The following CCNB3 variants were observed in gnomAD, a reference collection of about 807,000 sequenced individuals.
The protein encoded by CCNB3 is cyclin B3.
In CCNB3, 12 loss-of-function variants were observed where a neutral mutation model predicts 68.0. The ratio of observed to expected loss-of-function variants is 0.18; its 90% CI spans 0.11 to 0.29. The LOEUF is 0.29. CCNB3 is among the 10% of genes least tolerant of loss of function. CCNB3 has a pLI of 1.00. For synonymous variants in CCNB3, 354 were observed against 388.9 expected, an observed-to-expected ratio of 0.91 and a Z score of 1.06; for missense variants, 904 against 993.1, an observed-to-expected ratio of 0.91 and a Z score of 1.21.
At chrX:50,328,629 C>T (rs972188624) in intron 8 of CCNB3, among the ~76,000 whole-genome samples, 1 of 111,479 alleles carries the variant, frequency 9.0e-6, no homozygotes, top group Non-Finnish European at 1.9e-5. Context: ...TATCATTTCA[C>T]CCCTGGCCCC....
intron 5 of CCNB3, among the ~76,000 whole-genome samples, chrX:50,304,898 G>A (rs1253983726): frequency 8.9e-6 from 1 of 112,092 alleles, no homozygotes; most frequent in East Asian, 2.8e-4. Flanking sequence ...AAAGACACAT[G>A]AAAAAATGCT....
chrX:50,300,540 G>C (rs1936605311), intron 5 of CCNB3, among the ~76,000 whole-genome samples: 1 of 111,639 alleles, frequency 9.0e-6, no homozygotes, highest in African/African-American at 3.2e-5. Context: ...TGGGTAACCC[G>C]ACCTTTCTCT....
rs1311167642 is a variant in CCNB3 at position 50,351,831 on chromosome X, T to G, written c.*128T>G. 4 of 435,796 alleles carry G rather than the reference T, an allele frequency of 9.2e-6. No individual in the cohort carries two copies. The highest frequency in any genetic ancestry group is 1.5e-5 in the Non-Finnish European group (4 of 267,953). The allele number at this position is 435,796 out of a possible 1,213,427, so 35.9% of individuals were successfully genotyped here. A position where few individuals can be genotyped will look rare whatever the true frequency, so the allele number is the denominator to read the frequency against. Reference sequence around the variant, plus strand: ...TCCCAAACTGATAATGTTATAAATATTTATGTTGCTTGTTTTTATGAAAGA... The same window carrying G: ...TCCCAAACTGATAATGTTATAAATAGTTATGTTGCTTGTTTTTATGAAAGA... On this transcript the variant is annotated 3_prime_UTR_variant, in exon 13 of 13. Coordinates refer to ENST00000376042, the MANE Select transcript of CCNB3 (RefSeq NM_033031.3).
At chrX:50,311,744 C>T (rs1921473194) in intron 6 of CCNB3, among the ~76,000 whole-genome samples, 1 of 110,404 alleles carries the variant, frequency 9.1e-6, no homozygotes, top group Admixed American at 9.8e-5. Flanking sequence ...ATCATCTCTT[C>T]TCACCTTTTG....
Position 50,310,769 on chromosome X carries a change from G to A in CCNB3, c.2600G>A (p.Ser867Asn). ...KETLALQEKP[S>N]IEQEALFKRH... ...ACTTTGGCCTTGCAGGAGAAGCCCA[G>A]CATTGAGCAGGAGGCCCTCTTTAAG... is the stretch of plus-strand genomic sequence containing the variant. Residue 867 changes from serine to asparagine, a missense_variant, in exon 6 of 13, where the codon AGC becomes AAC. By Grantham distance (46) the Ser-to-Asn change is conservative (BLOSUM62 1). This residue lies in a region of CCNB3 where 619 missense variants were observed against 609.8 expected (regional missense o/e 1.02). Transcript: ENST00000376042. 2 of 1,211,266 alleles carry A rather than the reference G, an allele frequency of 1.7e-6. No individual in the cohort carries two copies. The highest frequency in any genetic ancestry group is 2.2e-6 in the Non-Finnish European group (2 of 895,341).
chrX:50,336,998 GGA>G (rs1557218954), intron 8 of CCNB3, among the ~76,000 whole-genome samples: 1 of 111,435 alleles, frequency 9.0e-6, no homozygotes, highest in African/African-American at 3.3e-5. Flanking sequence ...GGTGTAAGTT[GGA>G]GTATTATTTT....
chrX:50,351,622 C>T lies in CCNB3; in HGVS notation c.4107C>T (p.Val1369=). 4 of 1,210,831 alleles carry T rather than the reference C, an allele frequency of 3.3e-6. No homozygotes were observed. Among genetic ancestry groups the T allele is most frequent in the Middle Eastern group, 2.3e-4 (1 of 4,335 alleles). ...CCTTTTGCAGGGTCTTCTTTGAAGT[C>T]GCCAAAATCCCTGCCTTGGATATGT... The part of the protein sequence containing the change: ...YKYSHPVFFE[V]AKIPALDMLK... The change falls in exon 13 of 13, where the codon GTC becomes GTT. Residue 1369 remains valine (V), a synonymous_variant. Transcript: ENST00000376042.
intron 11 of CCNB3, among the ~76,000 whole-genome samples, chrX:50,350,518 C>T (rs140009992): frequency 0.037 from 4,093 of 111,183 alleles, 83 homozygotes; most frequent in Non-Finnish European, 0.057. Flanking sequence ...GCTGTTAGAG[C>T]CAGAGAGGAG....
Position 50,311,467 on chromosome X carries a change from T to C in CCNB3, c.3298T>C (p.Ser1100Pro), listed in dbSNP as rs782051831. The C allele has an allele frequency of 3.3e-6, 4 of 1,208,069 alleles. No homozygotes were observed. Among genetic ancestry groups the C allele is most frequent in the Non-Finnish European group, 4.5e-6 (4 of 893,344 alleles). Residue 1100 changes from serine to proline, a missense_variant, in exon 6 of 13, where the codon TCA (serine) becomes CCA (proline). By Grantham distance (74) the Ser-to-Pro change is moderately conservative. This residue lies in a region of CCNB3 where 285 missense variants were observed against 383.4 expected (regional missense o/e 0.74). Transcript: ENST00000376042. ...ACESASDKPVSPQAKGTPKEI... is the reference protein window; with the variant it reads ...ACESASDKPVPPQAKGTPKEI... ...TGAATCTGCTTCTGATAAACCTGTC[T>C]CACCACAGGCCAAGGGAACACCAAA... is the stretch of plus-strand genomic sequence containing the variant.
rs187321976 is a variant in CCNB3, at chrX:50,322,739, C to T, written c.3516+8791C>T. On this transcript the variant is annotated intron_variant, in intron 8 of 12. Coordinates refer to ENST00000376042, the MANE Select transcript of CCNB3 (RefSeq NM_033031.3). Reference sequence around the variant, plus strand: ...ACAAATTTACAAGAAGAAAACAACCCCATCAAAAAGCGGGCAAAGGATATG... The same window carrying T: ...ACAAATTTACAAGAAGAAAACAACCTCATCAAAAAGCGGGCAAAGGATATG... Among the ~76,000 whole-genome samples, 427 of 111,426 alleles carry T rather than the reference C, an allele frequency of 3.8e-3. 4 individuals carry two copies. Among genetic ancestry groups the T allele is most frequent in the African/African-American group, 0.013 (408 of 30,686 alleles).
At chrX:50,290,909 C>T (rs1936337034) in intron 4 of CCNB3, among the ~76,000 whole-genome samples, 1 of 111,825 alleles carries the variant, frequency 8.9e-6, no homozygotes, top group South Asian at 3.8e-4. Context: ...TACAATGTAC[C>T]TAAGCCATTC....
At chrX:50,226,377 AAT>A (rs1162355321) in intron 1 of CCNB3, among the ~76,000 whole-genome samples, 15 of 47,694 alleles carry the variant, frequency 3.1e-4, no homozygotes, top group African/African-American at 1.3e-3. Flanking sequence ...TATATATAAA[AAT>A]ATATATATAG....
intron 8 of CCNB3, among the ~76,000 whole-genome samples, chrX:50,321,869 T>C (rs1332430345): frequency 9.0e-6 from 1 of 111,125 alleles, no homozygotes; most frequent in African/African-American, 3.3e-5. Flanking sequence ...AATGTCGAAC[T>C]TACTAAGCCA....
intron 1 of CCNB3, among the ~76,000 whole-genome samples, chrX:50,227,714 A>G (rs1448344041): frequency 8.5e-5 from 8 of 94,286 alleles, no homozygotes; most frequent in Admixed American, 1.3e-4. Context: ...ATATATATAT[A>G]AATATATAGA....
At position 50,308,539 on chromosome X, in the gene CCNB3, A is replaced by G. The variant is rs1921208153; in HGVS notation, c.370A>G (p.Thr124Ala). Residue 124 changes from threonine to alanine, a missense_variant, in exon 6 of 13, where the codon ACT becomes GCT. Physicochemically the swap from Thr to Ala is moderately conservative, Grantham distance 58. Transcript: ENST00000376042. ...KLEVTPVVASTTVVPNIMEKP... is the reference protein window; with the variant it reads ...KLEVTPVVASATVVPNIMEKP... ...GGAAGTCACACCAGTAGTAGCCTCT[A>G]CTACCGTGGTACCAAACATTATGGA... The G allele has an allele frequency of 8.3e-7, 1 of 1,207,062 alleles. No individual in the cohort carries two copies. Among genetic ancestry groups the G allele is most frequent in the Non-Finnish European group, 1.1e-6 (1 of 892,217 alleles).
chrX:50,226,478 A>T (rs1404730686), intron 1 of CCNB3, among the ~76,000 whole-genome samples: 10 of 38,234 alleles, frequency 2.6e-4, no homozygotes, highest in African/African-American at 1.1e-3. Flanking sequence ...AATATATATA[A>T]ATATATATAG....
chrX:50,351,474 C>T, intron 12 of CCNB3, 103 bp downstream of exon 12: 2 of 1,065,854 alleles, frequency 1.9e-6, no homozygotes, highest in Admixed American at 2.3e-5. Context: ...AAGATTCAGG[C>T]ACTTTTCACC....
At chrX:50,212,769 T>A (rs1483332479) in intron 1 of CCNB3, among the ~76,000 whole-genome samples, 3 of 111,680 alleles carry the variant, frequency 2.7e-5, no homozygotes, top group Non-Finnish European at 5.6e-5. Context: ...ATAAATTGAA[T>A]CATACAATAT....
intron 9 of CCNB3, 142 bp from the exon 10 acceptor site, chrX:50,346,510 A>G: frequency 1.6e-6 from 1 of 611,179 alleles, no homozygotes. Context: ...AGCCACTCAC[A>G]TCAACCAGAA....
Sources: gnomAD v4.1 joint callset for allele counts (sites outside exome capture counted in the v4.1 genomes callset) on GRCh38, gnomAD v4.1.1 for gene constraint, gnomAD v4.1.1 regional missense constraint, MANE v1.5 for transcripts, NCBI Gene and HGNC (gene_info 2026-07-23, HGNC 2026-07-21) for gene names.